Variants in CDYL observed in about 807,000 individuals in gnomAD.
CDYL encodes chromodomain Y-like protein.
Under a neutral mutation model 47.3 loss-of-function variants are expected in CDYL, and 8 were observed. That is an observed-to-expected ratio of 0.17 (90% confidence interval 0.10 to 0.31). CDYL has a LOEUF of 0.31. Among genes scored for constraint, CDYL ranks in the 10% least tolerant of loss-of-function variants. CDYL has a pLI of 1.00. For synonymous variants in CDYL, 266 were observed against 265.0 expected (o/e 1.00, Z -0.04); for missense variants, 471 against 701.4 (o/e 0.67, Z 3.71).
chr6:4,749,593 G>A (rs1432303610), intron 3 of CDYL, among the ~76,000 whole-genome samples: 1 of 152,172 alleles, frequency 6.6e-6, no homozygotes, highest in East Asian at 1.9e-4. Flanking sequence ...GACTTTAAGA[G>A]GTATTTGATC....
chr6:4,861,680 G>T (rs1164666492), intron 1 of CDYL, among the ~76,000 whole-genome samples: 1 of 152,240 alleles, frequency 6.6e-6, no homozygotes, highest in Admixed American at 6.5e-5. Flanking sequence ...GCTCCTTAAA[G>T]AGAGTAGATT....
intron 1 of CDYL, among the ~76,000 whole-genome samples, chr6:4,879,993 C>T (rs1285806479): frequency 1.3e-5 from 2 of 152,168 alleles, no homozygotes; most frequent in African/African-American, 4.8e-5. Flanking sequence ...TATCAGCATT[C>T]CCCACCAGAG....
chr6:4,800,346 CAT>C (rs1395740830), intron 1 of CDYL, among the ~76,000 whole-genome samples: 4 of 152,096 alleles, frequency 2.6e-5, no homozygotes, highest in South Asian at 4.1e-4. Flanking sequence ...TTGGATAAGA[CAT>C]ATAATTTTTT....
intron 3 of CDYL, among the ~76,000 whole-genome samples, chr6:4,749,224 G>A (rs1267655538): frequency 6.6e-6 from 1 of 152,202 alleles, no homozygotes; most frequent in Non-Finnish European, 1.5e-5. Flanking sequence ...GCTGGTTTTT[G>A]TACTCACAGC....
chr6:4,794,303 C>T (rs1759010034), intron 1 of CDYL, among the ~76,000 whole-genome samples: 1 of 151,884 alleles, frequency 6.6e-6, no homozygotes, highest in African/African-American at 2.4e-5. Context: ...GGGAACGAGC[C>T]CCACTGTGTT....
intron 2 of CDYL, among the ~76,000 whole-genome samples, chr6:4,716,215 C>G (rs182817056): frequency 3.3e-5 from 5 of 150,918 alleles, no homozygotes; most frequent in African/African-American, 9.8e-5. Flanking sequence ...CGCCACTGTA[C>G]TCCAGCCTGG....
At chr6:4,892,849 T>G (rs1424906785) in intron 2 of CDYL, among the ~76,000 whole-genome samples, 1 of 152,240 alleles carries the variant, frequency 6.6e-6, no homozygotes, top group Non-Finnish European at 1.5e-5. Context: ...GCAGAGCCTT[T>G]GGGAGCCGGG....
At chr6:4,782,329 A>G (rs933694129) in intron 1 of CDYL, among the ~76,000 whole-genome samples, 1 of 152,210 alleles carries the variant, frequency 6.6e-6, no homozygotes, top group African/African-American at 2.4e-5. Context: ...AAATACTGCA[A>G]TCGTTGCATA....
At position 4,710,819 on chromosome 6, in the gene CDYL, C is replaced by G. The variant is rs1757138450; in HGVS notation, c.-39+4568C>G. The stretch of plus-strand genomic sequence containing the variant: ...CCCAGACCACTACTATCATCCCTTT[C>G]TAAATCCCTGTGGTTGAAATAAGCA... On this transcript the variant is annotated intron_variant, in intron 1 of 8. Transcript: ENST00000328908. 2.0e-5 allele frequency among the ~76,000 whole-genome samples: 3 copies of G among 152,108 alleles called. No homozygotes were observed. The South Asian group carries it at 6.2e-4, about 32-fold the overall frequency.
At chr6:4,773,659 A>T (rs9502236), upstream of CDYL, among the ~76,000 whole-genome samples, 33,484 of 152,134 alleles carry the variant, frequency 0.22, 5,444 homozygotes, top group African/African-American at 0.46. This position sits in a 1 kb window ranked among gnomAD's most constrained non-coding sequence, Gnocchi z 4.6. Flanking sequence ...AAAGTGGACA[A>T]TTGAGAACTT....
intron 1 of CDYL, among the ~76,000 whole-genome samples, chr6:4,832,437 T>A (rs1013661659): frequency 6.6e-6 from 1 of 151,002 alleles, no homozygotes; most frequent in African/African-American, 2.5e-5. Context: ...CACTTGATCA[T>A]GGTGAATAAG....
rs73356662 is a variant in CDYL, at chr6:4,712,830, G to A, written c.-38-2911G>A. ...AACTAGCAGGAAGGGGTTCTTTCCAGCCTTCACTCTGCCATTTACCAAGTA... is the reference window on the plus strand; with the variant it reads ...AACTAGCAGGAAGGGGTTCTTTCCAACCTTCACTCTGCCATTTACCAAGTA... On this transcript the variant is annotated intron_variant, in intron 1 of 8. Transcript: ENST00000328908. Among the ~76,000 whole-genome samples the A allele has an allele frequency of 7.4e-3, 1,127 of 152,322 alleles. 17 individuals carry two copies. The highest frequency in any genetic ancestry group is 0.026 in the African/African-American group (1,078 of 41,562).
At chr6:4,822,781 T>C (rs183499343) in intron 1 of CDYL, among the ~76,000 whole-genome samples, 18 of 152,374 alleles carry the variant, frequency 1.2e-4, no homozygotes, top group Admixed American at 7.2e-4. Context: ...TTCAGATTAA[T>C]ATTTGTCTCA....
intron 1 of CDYL, among the ~76,000 whole-genome samples, chr6:4,803,650 G>A (rs550882873): frequency 1.8e-4 from 28 of 151,812 alleles, no homozygotes; most frequent in South Asian, 8.3e-4. Flanking sequence ...TTACAGCCCC[G>A]TCACTGTGGC....
At chr6:4,927,758 T>G (rs1452378715) in intron 2 of CDYL, among the ~76,000 whole-genome samples, 2 of 152,198 alleles carry the variant, frequency 1.3e-5, no homozygotes, top group African/African-American at 2.4e-5. Flanking sequence ...TGCTTTGCAG[T>G]TATTAGTGTT....
At chr6:4,787,197 GC>G (rs1259980789) in intron 1 of CDYL, among the ~76,000 whole-genome samples, 1 of 152,070 alleles carries the variant, frequency 6.6e-6, no homozygotes, top group East Asian at 1.9e-4. Flanking sequence ...AAAGCAAGAG[GC>G]GAGTGATTAT....
upstream of CDYL, among the ~76,000 whole-genome samples, chr6:4,772,248 G>A (rs1758348239): frequency 6.6e-6 from 1 of 152,232 alleles, no homozygotes; most frequent in African/African-American, 2.4e-5. Flanking sequence ...GAAACAACTA[G>A]TGATATCTGG....
chr6:4,895,733 C>T (rs1233261102), intron 2 of CDYL, among the ~76,000 whole-genome samples: 11 of 152,058 alleles, frequency 7.2e-5, no homozygotes, highest in African/African-American at 2.4e-4. Context: ...CTGCAGCCCT[C>T]GCCAGATCCA....
chr6:4,890,957 CTT>C (rs945889434), intron 1 of CDYL, among the ~76,000 whole-genome samples: 1 of 152,202 alleles, frequency 6.6e-6, no homozygotes, highest in Non-Finnish European at 1.5e-5. Context: ...GAAGATCTCT[CTT>C]CCATTTACGC....
Sources: gnomAD v4.1 joint callset for allele counts (sites outside exome capture counted in the v4.1 genomes callset) on GRCh38, gnomAD v4.1.1 for gene constraint, Gnocchi (gnomAD v3.1) non-coding constraint, MANE v1.5 for transcripts, NCBI Gene and HGNC (gene_info 2026-07-23, HGNC 2026-07-21) for gene names.